SLC2A11: variants seen among roughly 807,000 people sequenced by gnomAD.
The protein encoded by SLC2A11 is solute carrier family 2 member 11.
SLC2A11 carries 43 observed loss-of-function variants against 52.1 expected under a neutral mutation model. The observed-to-expected ratio is 0.82, with a 90% confidence interval of 0.65 to 1.06. The LOEUF (loss-of-function observed/expected upper bound fraction) is 1.06. Among genes scored for constraint, SLC2A11 ranks in the 50% least tolerant of loss-of-function variants. The pLI is 0.00. For synonymous variants in SLC2A11, 261 were observed against 277.6 expected, an observed-to-expected ratio of 0.94 and a Z score of 0.59; for missense variants, 582 against 654.2, an observed-to-expected ratio of 0.89 and a Z score of 1.20.
At chr22:23,882,909 G>A (rs1456392504) in intron 8 of SLC2A11, 40 bp downstream of exon 8, 46 of 1,553,794 alleles carry the variant, frequency 3.0e-5, no homozygotes, top group Non-Finnish European at 4.0e-5. Flanking sequence ...AGCCCTGTGG[G>A]GAGGGACCCC....
rs1568983706 is a variant in SLC2A11, at chr22:23,861,319, A to AG, written c.31-785_31-784insG. Among the ~76,000 whole-genome samples, 35 of 122,522 alleles carry AG rather than the reference A, an allele frequency of 2.9e-4. No homozygotes were observed. In the East Asian group the frequency reaches 3.1e-3, roughly 11 times the overall value. The allele number at this position is 122,522 out of a possible 152,430, so 80.4% of individuals were successfully genotyped here. ...AAAAAAAAAAAAAAAAAAAAAAGAA[A>AG]ATCCCAACTATCCCAACTACAAAGG... On this transcript the variant is annotated intron_variant, in intron 1 of 11. Transcript: ENST00000316185.
chr22:23,857,237 G>C, upstream of SLC2A11: 1 of 728,992 alleles, frequency 1.4e-6, no homozygotes, highest in South Asian at 1.8e-5. Context: ...ACCAGCGAGA[G>C]ACAGAGACCC....
At position 23,862,328 on chromosome 22, in the gene SLC2A11, G is replaced by A. The variant is rs76861689; in HGVS notation, c.129+126G>A. 2.2e-3 allele frequency: 1,866 copies of A among 835,600 alleles called. 23 individuals are homozygous for A. In the African/African-American group the frequency reaches 0.028, roughly 12 times the overall value. 51.8% of individuals were successfully genotyped at this position (835,600 alleles called of 1,614,324 possible). ...TTCTGCCACAAGTTTGTCTCCATTG[G>A]GTTGGCCCACAGGTTCCTGCAGGTT... On this transcript the variant is annotated intron_variant, in intron 2 of 11. Coordinates refer to ENST00000316185, the MANE Select transcript of SLC2A11 (RefSeq NM_001024939.4).
rs1391233165 is a variant in SLC2A11 at position 23,885,939 on chromosome 22, G to C, written c.*1090G>C. 6.6e-6 allele frequency: 1 copy of C among 152,114 alleles called. No individual in the cohort carries two copies. The highest frequency in any genetic ancestry group is 6.5e-5 in the Admixed American group (1 of 15,270). 9.4% of individuals were successfully genotyped at this position (152,114 alleles called of 1,614,324 possible). ...GTATACACTTGGGAAACACCACCGT[G>C]ATCAAGATGGAACCTTTACCCTACC... On this transcript the variant is annotated 3_prime_UTR_variant, in exon 12 of 12. Coordinates refer to ENST00000316185, the MANE Select transcript of SLC2A11 (RefSeq NM_001024939.4).
chr22:23,872,736 G>A (rs915425308), intron 3 of SLC2A11: 3 of 152,224 alleles, frequency 2.0e-5, no homozygotes, highest in African/African-American at 4.8e-5. Flanking sequence ...TTAGAGGAAG[G>A]GGACCAAGGT....
chr22:23,884,442 C>T lies in SLC2A11; in HGVS notation c.1299+13C>T, dbSNP rs775000434. The T allele has an allele frequency of 1.9e-6, 3 of 1,611,058 alleles. No individual in the cohort carries two copies. The East Asian group carries it at 6.7e-5, about 36-fold the overall frequency. On this transcript the variant is annotated intron_variant, in intron 11 of 11. Coordinates refer to ENST00000316185, the MANE Select transcript of SLC2A11 (RefSeq NM_001024939.4). This position sits in a 1 kb window ranked among gnomAD's most constrained non-coding sequence, Gnocchi z 4.3. ...TCCCTTTATCATGGTAGGCCCGCCC[C>T]TCCCGCTGGGGGCCCTGCCTTAGGC...
chr22:23,874,757 T>A (rs557833755), intron 3 of SLC2A11, among the ~76,000 whole-genome samples: 1 of 152,050 alleles, frequency 6.6e-6, no homozygotes, highest in South Asian at 2.1e-4. Context: ...CAGCCTAATT[T>A]TTTTTGTATT....
Position 23,884,918 on chromosome 22 carries a change from C to T in SLC2A11, c.*69C>T. ...CTCTGCTTCCTGCCAGGGCCCTGGT[C>T]CTCACTCCCTCCTGCATTCCTCATT... On this transcript the variant is annotated 3_prime_UTR_variant, in exon 12 of 12. Coordinates refer to ENST00000316185, the MANE Select transcript of SLC2A11 (RefSeq NM_001024939.4). This position sits in a 1 kb window ranked among gnomAD's most constrained non-coding sequence, Gnocchi z 4.3. 7.6e-7 allele frequency: 1 copy of T among 1,313,466 alleles called. No homozygotes were observed. The allele number at this position is 1,313,466 out of a possible 1,614,324, so 81.4% of individuals were successfully genotyped here.
At chr22:23,861,535 C>G (rs1194605524) in intron 1 of SLC2A11, among the ~76,000 whole-genome samples, 1 of 152,194 alleles carries the variant, frequency 6.6e-6, no homozygotes, top group Non-Finnish European at 1.5e-5. Flanking sequence ...GACCAGGCAC[C>G]TGGGCCATTT....
At chr22:23,858,288 C>G (rs2031929420) in intron 1 of SLC2A11, 1 of 633,428 alleles carries the variant, frequency 1.6e-6, no homozygotes, top group Non-Finnish European at 2.9e-6. Context: ...AAATCCTCTG[C>G]CGATCAGCCC....
rs764075285 is a variant in SLC2A11, at chr22:23,884,678, T to A, written c.1329T>A (p.Pro443=). The A allele has an allele frequency of 6.2e-7, 1 of 1,614,008 alleles. No individual in the cohort carries two copies. The highest frequency in any genetic ancestry group is 2.2e-5 in the East Asian group (1 of 44,880). ...MEALSHFLYV[P]FLGVCVCGAI... ...CCTTGTCCCACTTCCTCTATGTCCC[T>A]TTCCTTGGTGTCTGTGTCTGTGGGG... Residue 443 remains proline (P), a synonymous_variant, in exon 12 of 12, where the codon CCT becomes CCA. Transcript: ENST00000316185. This position sits in a 1 kb window ranked among gnomAD's most constrained non-coding sequence, Gnocchi z 4.3.
chr22:23,878,446 C>T (rs1209613628), intron 6 of SLC2A11, among the ~76,000 whole-genome samples: 2 of 152,156 alleles, frequency 1.3e-5, no homozygotes, highest in African/African-American at 2.4e-5. Context: ...ACTTTCTGTC[C>T]TCTCACTTTT....
Position 23,884,372 on chromosome 22 carries a change from C to A in SLC2A11, c.1242C>A (p.Cys414Ter), listed in dbSNP as rs143776564. ...CCAGGCCTGCTGCCTGCATGGTCTG[C>A]GGGGCGCTCATGTGGATCATGCTCA... ...QMARPAACMV[C>*]GALMWIMLIL... Residue 414 changes from cysteine to a stop codon, truncating the protein, a stop_gained, in exon 11 of 12, where the codon TGC becomes TGA. Transcript: ENST00000316185. LOFTEE classifies it high-confidence loss of function. The surrounding 1 kb of genome is among the most constrained non-coding windows in gnomAD (Gnocchi z 4.3). The A allele has an allele frequency of 1.5e-5, 24 of 1,613,864 alleles. No homozygotes were observed. Among genetic ancestry groups the A allele is most frequent in the Non-Finnish European group, 1.9e-5 (22 of 1,180,006 alleles).
rs34605560 is a variant in SLC2A11, at chr22:23,877,866, G to C, written c.691G>C (p.Ala231Pro). 5,732 of 1,610,126 alleles carry C rather than the reference G, an allele frequency of 3.6e-3. 25 individuals carry two copies. Among genetic ancestry groups the C allele is most frequent in the Non-Finnish European group, 4.2e-3 (4,924 of 1,177,932 alleles). ...IDCGDTEACL[A>P]ALRRLRGSGD... ...CTGTGGAGACACCGAGGCCTGCCTGGCAGGTGAGTCTCTGTCCTTGGGCTC... is the reference window on the plus strand; with the variant it reads ...CTGTGGAGACACCGAGGCCTGCCTGCCAGGTGAGTCTCTGTCCTTGGGCTC... Residue 231 changes from alanine to proline, a missense_variant, in exon 6 of 12, where the codon GCA becomes CCA. Transcript: ENST00000316185.
chr22:23,867,723 T>C (rs2146115887), intron 2 of SLC2A11: 1 of 470,644 alleles, frequency 2.1e-6, no homozygotes, highest in East Asian at 6.9e-5. Flanking sequence ...ATAAAAACTC[T>C]TGAATGACAA....
In SLC2A11 at chr22:23,884,276, C is replaced by A. The variant is rs779652051; in HGVS notation, c.1172-26C>A. The A allele has an allele frequency of 4.4e-6, 7 of 1,600,592 alleles. No homozygotes were observed. The highest frequency in any genetic ancestry group is 6.0e-6 in the Non-Finnish European group (7 of 1,172,448). On this transcript the variant is annotated intron_variant, in intron 10 of 11. Coordinates refer to ENST00000316185, the MANE Select transcript of SLC2A11 (RefSeq NM_001024939.4). The surrounding 1 kb of genome is among the most constrained non-coding windows in gnomAD (Gnocchi z 4.3). ...GCAGGCAGGGAACCCTGGCCAGCAG[C>A]CCCCTGTCCCTGCCCCTCCTTCTAG...
rs763319184 is a variant in SLC2A11, at chr22:23,884,042, G to T, written c.1171+18G>T. 1.9e-6 allele frequency: 3 copies of T among 1,607,722 alleles called. No homozygotes were observed. The highest frequency in any genetic ancestry group is 2.5e-6 in the Non-Finnish European group (3 of 1,178,300). On this transcript the variant is annotated intron_variant, in intron 10 of 11. Transcript: ENST00000316185. The surrounding 1 kb of genome is among the most constrained non-coding windows in gnomAD (Gnocchi z 4.3). ...TGGCCCTGGTGAGTGGGCCCAAGGG[G>T]CTCTGGGCATCCATCATCACATAGA...
rs770438067 is a variant in SLC2A11, at chr22:23,868,583, C to T, written c.232C>T (p.Pro78Ser). 1.5e-5 allele frequency: 24 copies of T among 1,614,220 alleles called. No individual in the cohort carries two copies. Among genetic ancestry groups the T allele is most frequent in the Non-Finnish European group, 2.0e-5 (24 of 1,180,034 alleles). Reference sequence around the variant, plus strand: ...GTGGTCCCTCATCGTGTCTCTGTATCCCCTGGGAGGCCTCTTTGGAGCACT... The same window carrying T: ...GTGGTCCCTCATCGTGTCTCTGTATTCCCTGGGAGGCCTCTTTGGAGCACT... ...LMWSLIVSLY[P>S]LGGLFGALLA... The change falls in exon 3 of 12, where the codon CCC (proline) becomes TCC (serine). Residue 78 changes from proline (P) to serine (S), a missense_variant. Physicochemically the swap from Pro to Ser is moderately conservative, Grantham distance 74. Coordinates refer to ENST00000316185, the MANE Select transcript of SLC2A11 (RefSeq NM_001024939.4).
chr22:23,883,184 C>T (rs1437195449), intron 8 of SLC2A11: 1 of 422,030 alleles, frequency 2.4e-6, no homozygotes, highest in East Asian at 5.5e-5. Flanking sequence ...ATCGCATGAA[C>T]CCAGTAGGTG....
Sources: allele counts gnomAD v4.1 joint callset (sites outside exome capture counted in the v4.1 genomes callset), GRCh38; gene constraint gnomAD v4.1.1; non-coding constraint Gnocchi (gnomAD v3.1); transcripts MANE v1.5; gene names NCBI Gene and HGNC (gene_info 2026-07-23, HGNC 2026-07-21).